Variants in RCAN2 observed in about 807,000 individuals in gnomAD.
RCAN2 encodes the protein calcipressin-2.
Under a neutral mutation model 23.6 loss-of-function variants are expected in RCAN2, and 9 were observed. That is an observed-to-expected ratio of 0.38 (90% CI 0.23 to 0.67). The LOEUF is 0.67. RCAN2 is among the 30% of genes least tolerant of loss of function. The pLI, the probability that RCAN2 is intolerant of heterozygous loss-of-function variation, is 0.51. For synonymous variants in RCAN2, 109 were observed against 115.7 expected, an observed-to-expected ratio of 0.94 and a Z score of 0.37; for missense variants, 273 against 302.3, an observed-to-expected ratio of 0.90 and a Z score of 0.72.
chr6:46,278,620 C>T (rs1767792553), intron 2 of RCAN2, among the ~76,000 whole-genome samples: 1 of 152,160 alleles, frequency 6.6e-6, no homozygotes, highest in Non-Finnish European at 1.5e-5. Flanking sequence ...TCCTTTATAA[C>T]ACAAGAAAAT....
intron 3 of RCAN2, among the ~76,000 whole-genome samples, chr6:46,248,230 A>G (rs1258342298): frequency 6.6e-6 from 1 of 152,242 alleles, no homozygotes; most frequent in Non-Finnish European, 1.5e-5. Flanking sequence ...ATTAATTTCC[A>G]TATATTTGTC....
At position 46,320,720 on chromosome 6, in the gene RCAN2, C is replaced by T. The variant is rs115526357; in HGVS notation, c.226-71824G>A. On this transcript the variant is annotated intron_variant, in intron 2 of 4. Transcript: ENST00000371374. ...ATGAGTGACCTTAAAAAGGCCTTGG[C>T]CTTTCAGAAGAGAAAAGAGCTGTCC... is the stretch of plus-strand genomic sequence containing the variant. Among the ~76,000 whole-genome samples, 1,430 of 152,194 alleles carry T rather than the reference C, an allele frequency of 9.4e-3. 24 individuals are homozygous for T. Among genetic ancestry groups the T allele is most frequent in the African/African-American group, 0.032 (1,347 of 41,504 alleles).
chr6:46,292,015 T>G (rs1348405356), intron 2 of RCAN2, among the ~76,000 whole-genome samples: 4 of 152,198 alleles, frequency 2.6e-5, no homozygotes, highest in African/African-American at 9.6e-5. Flanking sequence ...CTAAAATTTC[T>G]TACATTCTGC....
intron 2 of RCAN2, among the ~76,000 whole-genome samples, chr6:46,320,533 G>T (rs1763580062): frequency 6.6e-6 from 1 of 152,156 alleles, no homozygotes; most frequent in South Asian, 2.1e-4. Context: ...ACTCAGTCAG[G>T]TATACTATCG....
intron 2 of RCAN2, among the ~76,000 whole-genome samples, chr6:46,313,405 C>T (rs1181203086): frequency 6.6e-6 from 1 of 152,236 alleles, no homozygotes; most frequent in Non-Finnish European, 1.5e-5. Context: ...TGCTCCATCA[C>T]ATTTCTCAAG....
intron 2 of RCAN2, among the ~76,000 whole-genome samples, chr6:46,453,182 A>C (rs1767928168): frequency 6.6e-6 from 1 of 152,216 alleles, no homozygotes; most frequent in Non-Finnish European, 1.5e-5. Context: ...GAGTGCTCTG[A>C]AGAGAAATGT....
chr6:46,362,592 T>C (rs565489675), intron 2 of RCAN2, among the ~76,000 whole-genome samples: 1 of 152,236 alleles, frequency 6.6e-6, no homozygotes, highest in African/African-American at 2.4e-5. Context: ...CAAAACTGAT[T>C]CTGTCATGGT....
At chr6:46,393,847 C>A (rs1218002369) in intron 2 of RCAN2, among the ~76,000 whole-genome samples, 1 of 152,126 alleles carries the variant, frequency 6.6e-6, no homozygotes, top group Non-Finnish European at 1.5e-5. Flanking sequence ...TTCTCCTGAC[C>A]TCCTCCGGGC....
intron 3 of RCAN2, among the ~76,000 whole-genome samples, chr6:46,248,467 A>T (rs1269445831): frequency 1.0e-5 from 1 of 96,842 alleles, no homozygotes; most frequent in African/African-American, 4.0e-5. Flanking sequence ...GTAGATCTTG[A>T]TCATCCCCAC....
chr6:46,301,867 T>G (rs1762913207), intron 2 of RCAN2, among the ~76,000 whole-genome samples: 1 of 152,022 alleles, frequency 6.6e-6, no homozygotes, highest in Non-Finnish European at 1.5e-5. Flanking sequence ...GACAAATAGA[T>G]GGAATCCTGT....
At chr6:46,437,809 G>T (rs1248563634) in intron 2 of RCAN2, among the ~76,000 whole-genome samples, 4 of 152,118 alleles carry the variant, frequency 2.6e-5, no homozygotes, top group Non-Finnish European at 5.9e-5. Context: ...ACCAAAAAAA[G>T]CATGGAGCTG....
chr6:46,447,459 A>G (rs1767749311), intron 2 of RCAN2, among the ~76,000 whole-genome samples: 1 of 151,964 alleles, frequency 6.6e-6, no homozygotes, highest in East Asian at 1.9e-4. Context: ...ATCAATAAGG[A>G]AACATCAGAC....
rs1361069241 is a variant in RCAN2 at position 46,429,715 on chromosome 6, G to T, written c.225+27037C>A. The stretch of plus-strand genomic sequence containing the variant: ...CGTTCTTGCCCTTATGGACCCTAGG[G>T]TCTAATGTGAAGATGTTAGTTAACA... On this transcript the variant is annotated intron_variant, in intron 2 of 4. Coordinates refer to ENST00000371374, the MANE Select transcript of RCAN2 (RefSeq NM_001251974.2). Among the ~76,000 whole-genome samples, 4 of 152,108 alleles carry T rather than the reference G, an allele frequency of 2.6e-5. No individual in the cohort carries two copies. The East Asian group carries it at 7.7e-4, about 29-fold the overall frequency.
At chr6:46,268,698 ATGACTCCATTG>A (rs1392229247) in intron 2 of RCAN2, among the ~76,000 whole-genome samples, 2 of 152,228 alleles carry the variant, frequency 1.3e-5, no homozygotes, top group Non-Finnish European at 2.9e-5. Flanking sequence ...TCCCCAGAAT[ATGACTCCATTG>A]TTTTTTAGCC....
intron 2 of RCAN2, among the ~76,000 whole-genome samples, chr6:46,332,164 T>C (rs1245473710): frequency 6.6e-6 from 1 of 152,216 alleles, no homozygotes; most frequent in African/African-American, 2.4e-5. Flanking sequence ...GTTATAATTA[T>C]ATAAAATATT....
At chr6:46,294,405 T>C (rs115215857) in intron 2 of RCAN2, among the ~76,000 whole-genome samples, 4,557 of 152,266 alleles carry the variant, frequency 0.03, 201 homozygotes, top group African/African-American at 0.1. Context: ...ATTGGTAAAG[T>C]ATATCAAAAA....
At chr6:46,456,235 A>G (rs911906510) in intron 2 of RCAN2, among the ~76,000 whole-genome samples, 2 of 152,224 alleles carry the variant, frequency 1.3e-5, no homozygotes, top group African/African-American at 4.8e-5. Context: ...CCACCATGGT[A>G]TCAATGAGCA....
intron 4 of RCAN2, among the ~76,000 whole-genome samples, chr6:46,234,777 G>A (rs1157005251): frequency 6.6e-6 from 1 of 152,236 alleles, no homozygotes; most frequent in African/African-American, 2.4e-5. Context: ...ACTGACTGAG[G>A]TTTGGCCATT....
At chr6:46,278,400 CA>C (rs146093176) in intron 2 of RCAN2, among the ~76,000 whole-genome samples, 10 of 151,614 alleles carry the variant, frequency 6.6e-5, no homozygotes, top group Admixed American at 1.3e-4. Flanking sequence ...CACATACACA[CA>C]AAAAAAACCC....
Sources: allele counts gnomAD v4.1 joint callset (sites outside exome capture counted in the v4.1 genomes callset), GRCh38; gene constraint gnomAD v4.1.1; transcripts MANE v1.5; gene names NCBI Gene and HGNC (gene_info 2026-07-23, HGNC 2026-07-21).